Variants in PCDH15 observed in about 807,000 individuals in gnomAD.
The protein encoded by PCDH15 is protocadherin-15.
PCDH15 carries 129 observed loss-of-function variants against 178.5 expected under a neutral mutation model. The observed-to-expected ratio is 0.72, with a 90% CI of 0.63 to 0.84. The LOEUF (loss-of-function observed/expected upper bound fraction) is 0.84. Ranked by LOEUF, PCDH15 falls within the 40% of genes least tolerant of loss-of-function variation. The pLI is 0.00. For missense variants in PCDH15, 2,230 were observed against 2,099.9 expected (o/e 1.06, Z -1.21); for synonymous variants, 800 against 732.0 (o/e 1.09, Z -1.50).
At chr10:54,775,260 G>T (rs1193357016) in intron 1 of PCDH15, among the ~76,000 whole-genome samples, 1 of 152,130 alleles carries the variant, frequency 6.6e-6, no homozygotes, top group Non-Finnish European at 1.5e-5. Context: ...ATCCTAACGA[G>T]ATTAATGACT....
chr10:53,964,426 T>TTCATAAAATTTTTATAAATTTTATTTAC (rs1404446057), intron 21 of PCDH15, among the ~76,000 whole-genome samples: 1 of 132,340 alleles, frequency 7.6e-6, no homozygotes, highest in South Asian at 2.2e-4. Flanking sequence ...ATTTTATTTA[T>TTCATAAAATTTTTATAAATTTTATTTAC]TCATAAAATT....
intron 3 of PCDH15, among the ~76,000 whole-genome samples, chr10:54,884,743 T>C (rs978867346): frequency 6.6e-6 from 1 of 152,102 alleles, no homozygotes; most frequent in Non-Finnish European, 1.5e-5. Context: ...TTGAAAGTAA[T>C]AGTTTTCTCA....
rs11815679 is a variant in PCDH15, at chr10:55,501,866, A to G, written c.-156+125759T>C. 6.7e-3 allele frequency among the ~76,000 whole-genome samples: 1,023 copies of G among 151,926 alleles called. 14 individuals carry two copies. Among genetic ancestry groups the G allele is most frequent in the African/African-American group, 0.024 (981 of 41,512 alleles). ...CAATTAATCAGTAATTCCATCATCC[A>G]CACTAACTTTGTACTTGACATATTA... On this transcript the variant is annotated intron_variant, in intron 2 of 5. Transcript: ENST00000613346.
At chr10:55,403,597 T>C (rs562679291) in intron 2 of PCDH15, among the ~76,000 whole-genome samples, 304 of 152,072 alleles carry the variant, frequency 2.0e-3, no homozygotes, top group African/African-American at 6.9e-3. Flanking sequence ...AGACTCAGTT[T>C]TCACTGCACC....
chr10:54,783,384 A>G (rs1950552011), intron 1 of PCDH15, among the ~76,000 whole-genome samples: 1 of 152,074 alleles, frequency 6.6e-6, no homozygotes, highest in Admixed American at 6.5e-5. Flanking sequence ...TTACTTGAAG[A>G]CATCTTTTGA....
chr10:54,942,878 G>A (rs1305457722), intron 2 of PCDH15, among the ~76,000 whole-genome samples: 1 of 151,986 alleles, frequency 6.6e-6, no homozygotes. Context: ...CTCTGTGCTA[G>A]GTCACAGATT....
rs563633669 is a variant in PCDH15, at chr10:53,899,932, G to A, written c.3501+3311C>T. On this transcript the variant is annotated intron_variant, in intron 26 of 37. Transcript: ENST00000644397. ...CCCTTGCCTCCTATCACTCAGATACGCTCTGCACTTTGTTTCTTCTGAGTT... is the reference window on the plus strand; with the variant it reads ...CCCTTGCCTCCTATCACTCAGATACACTCTGCACTTTGTTTCTTCTGAGTT... Among the ~76,000 whole-genome samples the A allele has an allele frequency of 1.2e-4, 19 of 152,096 alleles. No individual in the cohort carries two copies. In the South Asian group the frequency reaches 3.9e-3, roughly 32 times the overall value.
chr10:55,403,823 A>T (rs979062248), intron 2 of PCDH15, among the ~76,000 whole-genome samples: 3 of 151,952 alleles, frequency 2.0e-5, no homozygotes, highest in African/African-American at 7.2e-5. Context: ...TGATTTTTTT[A>T]AATTTACAGG....
chr10:55,425,221 C>T (rs1158323227), intron 2 of PCDH15, among the ~76,000 whole-genome samples: 1 of 151,684 alleles, frequency 6.6e-6, no homozygotes, highest in Non-Finnish European at 1.5e-5. Context: ...TATGTGACTC[C>T]ATTATCATTT....
At chr10:54,618,607 T>G (rs2093256162) in intron 2 of PCDH15, among the ~76,000 whole-genome samples, 1 of 152,142 alleles carries the variant, frequency 6.6e-6, no homozygotes, top group South Asian at 2.1e-4. Flanking sequence ...TAGTAATCTC[T>G]GTATGTAAAT....
intron 1 of PCDH15, among the ~76,000 whole-genome samples, chr10:54,706,203 A>C (rs535534363): frequency 9.8e-5 from 15 of 152,328 alleles, no homozygotes; most frequent in African/African-American, 3.4e-4. Flanking sequence ...AGTTTTCATG[A>C]TAGTATGGCT....
intron 26 of PCDH15, among the ~76,000 whole-genome samples, chr10:53,895,939 A>C (rs541893542): frequency 6.6e-6 from 1 of 152,314 alleles, no homozygotes; most frequent in South Asian, 2.1e-4. Context: ...GAACTGAGGT[A>C]GACCTAACTT....
intron 3 of PCDH15, among the ~76,000 whole-genome samples, chr10:54,403,518 C>T (rs1396668112): frequency 6.6e-6 from 1 of 151,866 alleles, no homozygotes; most frequent in Non-Finnish European, 1.5e-5. Flanking sequence ...GAGTATTTCC[C>T]TTGAAAACCG....
rs757435335 is a variant in PCDH15 at position 53,806,833 on chromosome 10, C to A, written c.4969G>T (p.Gly1657Trp). 6.2e-7 allele frequency: 1 copy of A among 1,613,840 alleles called. No homozygotes were observed. The highest frequency in any genetic ancestry group is 8.5e-7 in the Non-Finnish European group (1 of 1,179,818). ...TTCATTTTTTCAGTAGAAAATGGCC[C>A]CTTTGATAATGTGTTCAGAGGTACA... The part of the protein sequence containing the change: ...ENVPLNTLSK[G>W]PFSTEKMNAR... The change falls in exon 38 of 38, where the codon GGG (glycine) becomes TGG (tryptophan). Residue 1657 changes from glycine to tryptophan, a missense_variant. Coordinates refer to ENST00000644397, the MANE Select transcript of PCDH15 (RefSeq NM_001384140.1).
At chr10:54,445,273 A>G (rs983610251) in intron 3 of PCDH15, among the ~76,000 whole-genome samples, 2 of 151,448 alleles carry the variant, frequency 1.3e-5, no homozygotes, top group Non-Finnish European at 3.0e-5. Context: ...TTTTATTCAC[A>G]TACCAAACTA....
intron 9 of PCDH15, among the ~76,000 whole-genome samples, chr10:54,219,089 TAA>T (rs746481539): frequency 1.8e-3 from 176 of 100,054 alleles, no homozygotes; most frequent in Admixed American, 3.9e-3. Context: ...CTGTCTCTAC[TAA>T]AAAAAAAAAA....
intron 26 of PCDH15, among the ~76,000 whole-genome samples, chr10:53,870,157 A>C (rs1386674482): frequency 6.6e-6 from 1 of 152,172 alleles, no homozygotes; most frequent in East Asian, 1.9e-4. Context: ...CAATATTCCT[A>C]ATATATTAAA....
At chr10:55,094,662 T>C (rs1842405504) in intron 2 of PCDH15, among the ~76,000 whole-genome samples, 1 of 152,106 alleles carries the variant, frequency 6.6e-6, no homozygotes, top group South Asian at 2.1e-4. Context: ...AACTGTATCA[T>C]ACGTCAATGT....
At chr10:54,476,400 A>G (rs2078275881) in intron 3 of PCDH15, among the ~76,000 whole-genome samples, 1 of 152,066 alleles carries the variant, frequency 6.6e-6, no homozygotes, top group South Asian at 2.1e-4. Flanking sequence ...TAACATAATC[A>G]TTTTCTTTCA....
Sources: gnomAD v4.1 joint callset for allele counts (sites outside exome capture counted in the v4.1 genomes callset) on GRCh38, gnomAD v4.1.1 for gene constraint, MANE v1.5 for transcripts, NCBI Gene and HGNC (gene_info 2026-07-23, HGNC 2026-07-21) for gene names.